Variants in MTRF1 observed in about 807,000 individuals in gnomAD.
The protein encoded by MTRF1 is mitochondrial translation release factor 1.
Under a neutral mutation model 62.9 loss-of-function variants are expected in MTRF1, and 51 were observed. The ratio of observed to expected loss-of-function variants is 0.81; its 90% CI spans 0.65 to 1.02. The LOEUF is 1.02. MTRF1 is among the 50% of genes least tolerant of loss of function. The pLI is 0.00. For missense variants in MTRF1, 446 were observed against 530.0 expected (o/e 0.84, Z 1.56); for synonymous variants, 158 against 181.9 (o/e 0.87, Z 1.06).
chr13:41,296,191 C>T, the MTRF1 span, among the ~76,000 whole-genome samples: 1 of 152,160 alleles, frequency 6.6e-6, no homozygotes, highest in Non-Finnish European at 1.5e-5. Context: ...AGCAATCATT[C>T]TGCCTTGACC....
At chr13:41,243,849 T>A (rs984160845) in intron 5 of MTRF1, among the ~76,000 whole-genome samples, 4 of 152,242 alleles carry the variant, frequency 2.6e-5, no homozygotes, top group Admixed American at 2.0e-4. Flanking sequence ...AGTCTCAGAA[T>A]ACTAATACTA....
At chr13:41,224,985 G>A (rs1297548148) in intron 8 of MTRF1, among the ~76,000 whole-genome samples, 4 of 152,092 alleles carry the variant, frequency 2.6e-5, no homozygotes, top group Non-Finnish European at 2.9e-5. Flanking sequence ...GCTCAGGCGG[G>A]CAGATCACAT....
chr13:41,283,926 A>G, the MTRF1 span, among the ~76,000 whole-genome samples: 4 of 152,114 alleles, frequency 2.6e-5, no homozygotes, highest in African/African-American at 9.7e-5. Context: ...AATATTGCTT[A>G]AAGGGCAGAT....
chr13:41,296,433 A>C, the MTRF1 span, among the ~76,000 whole-genome samples: 1 of 152,208 alleles, frequency 6.6e-6, no homozygotes, highest in African/African-American at 2.4e-5. Flanking sequence ...GATTTCACTA[A>C]GATCAAAATT....
the MTRF1 span, among the ~76,000 whole-genome samples, chr13:41,311,996 CT>C: frequency 6.6e-6 from 1 of 152,224 alleles, no homozygotes; most frequent in African/African-American, 2.4e-5. Context: ...GTTCTGCATT[CT>C]CTGCTTTGCG....
At chr13:41,286,018 C>T in the MTRF1 span, among the ~76,000 whole-genome samples, 2 of 147,088 alleles carry the variant, frequency 1.4e-5, no homozygotes, top group East Asian at 2.0e-4. Context: ...GAGCCGAGAT[C>T]GAGCCACTGC....
At chr13:41,238,652 G>T (rs578159437) in intron 6 of MTRF1, among the ~76,000 whole-genome samples, 27 of 152,272 alleles carry the variant, frequency 1.8e-4, no homozygotes, top group African/African-American at 6.3e-4. Flanking sequence ...AGGTAATTAG[G>T]AACAGGATAT....
chr13:41,281,434 G>A, the MTRF1 span, among the ~76,000 whole-genome samples: 1 of 151,900 alleles, frequency 6.6e-6, no homozygotes, highest in African/African-American at 2.4e-5. Flanking sequence ...GGTAAGCAAA[G>A]CCAGGTCCAG....
chr13:41,227,804 TAC>T (rs1327182778), intron 7 of MTRF1, among the ~76,000 whole-genome samples: 1 of 152,242 alleles, frequency 6.6e-6, no homozygotes, highest in Non-Finnish European at 1.5e-5. Context: ...CTAAATAAGC[TAC>T]AGTCACTACC....
At chr13:41,286,286 A>T in the MTRF1 span, among the ~76,000 whole-genome samples, 1 of 152,282 alleles carries the variant, frequency 6.6e-6, no homozygotes, top group Admixed American at 6.5e-5. Flanking sequence ...GATACATAAA[A>T]GGATCTTTTC....
At position 41,260,672 on chromosome 13, in the gene MTRF1, A is replaced by G. The variant is rs772277803; in HGVS notation, c.236T>C (p.Met79Thr). 5.6e-6 allele frequency: 9 copies of G among 1,614,080 alleles called. No homozygotes were observed. In the African/African-American group the frequency reaches 1.2e-4, roughly 22 times the overall value. ...TTGGTACTCCTTACTCAGGTTCTCC[A>G]TATATTTCTGTAGTGCTTTATGCTT... ...LWKHKALQKY[M>T]ENLSKEYQTL... Residue 79 changes from methionine to threonine, a missense_variant, in exon 2 of 10, where the codon ATG becomes ACG. Physicochemically the swap from Met to Thr is moderately conservative, Grantham distance 81. Transcript: ENST00000379480.
chr13:41,220,633 T>C, intron 9 of MTRF1: 1 of 1,280,702 alleles, frequency 7.8e-7, no homozygotes, highest in South Asian at 1.2e-5. Context: ...ACCCGTGGAA[T>C]GAGACTGAGC....
chr13:41,234,197 A>G (rs867132340), intron 6 of MTRF1, among the ~76,000 whole-genome samples, 190 bp from the exon 7 acceptor site: 3 of 152,204 alleles, frequency 2.0e-5, no homozygotes, highest in Admixed American at 1.3e-4. Context: ...TGTTTGTTTG[A>G]GACAGGGTCT....
At chr13:41,296,228 G>A in the MTRF1 span, among the ~76,000 whole-genome samples, 1 of 151,926 alleles carries the variant, frequency 6.6e-6, no homozygotes, top group Non-Finnish European at 1.5e-5. Flanking sequence ...CTAAAGGTAT[G>A]AGCCACCATG....
intron 3 of MTRF1, among the ~76,000 whole-genome samples, chr13:41,254,015 T>A (rs1339034957): frequency 6.6e-6 from 1 of 152,194 alleles, no homozygotes; most frequent in Non-Finnish European, 1.5e-5. Flanking sequence ...AAATCTTCCA[T>A]TTCCATGTCT....
chr13:41,275,416 G>T, the MTRF1 span, among the ~76,000 whole-genome samples: 4 of 151,792 alleles, frequency 2.6e-5, no homozygotes, highest in African/African-American at 9.7e-5. Context: ...TAGCCAGGAT[G>T]GCCTCCATCC....
At chr13:41,233,605 G>A (rs561245982) in intron 7 of MTRF1, among the ~76,000 whole-genome samples, 13 of 152,286 alleles carry the variant, frequency 8.5e-5, no homozygotes, top group African/African-American at 2.9e-4. Flanking sequence ...GGCTGCTTCT[G>A]TGTTTCATCT....
intron 8 of MTRF1, among the ~76,000 whole-genome samples, chr13:41,225,323 T>C (rs778709025): frequency 2.0e-5 from 3 of 152,134 alleles, no homozygotes; most frequent in Admixed American, 6.5e-5. Flanking sequence ...GTGTCTGTGG[T>C]TATCACTTAT....
At chr13:41,223,900 A>G (rs984170067) in intron 8 of MTRF1, among the ~76,000 whole-genome samples, 3 of 151,706 alleles carry the variant, frequency 2.0e-5, no homozygotes, top group Non-Finnish European at 4.4e-5. Context: ...TTCTGCAAAA[A>G]TCTCCTGATT....
Sources: allele counts gnomAD v4.1 joint callset (sites outside exome capture counted in the v4.1 genomes callset), GRCh38; gene constraint gnomAD v4.1.1; transcripts MANE v1.5; gene names NCBI Gene and HGNC (gene_info 2026-07-23, HGNC 2026-07-21).